WFDC1: variants seen among roughly 807,000 people sequenced by gnomAD.
The protein encoded by WFDC1 is WAP four-disulfide core domain protein 1.
Under a neutral mutation model 32.9 loss-of-function variants are expected in WFDC1, and 39 were observed. The ratio of observed to expected loss-of-function variants is 1.19; its 90% confidence interval spans 0.92 to 1.55. The LOEUF (loss-of-function observed/expected upper bound fraction) is 1.55, where lower values mean the gene tolerates loss of function less well. Among genes scored for constraint, WFDC1 ranks in the 40% most tolerant of loss-of-function variants. WFDC1 has a pLI of 0.00. For missense variants in WFDC1, 386 were observed against 309.5 expected, an observed-to-expected ratio of 1.25 and a Z score of -1.85; for synonymous variants, 184 against 137.4, an observed-to-expected ratio of 1.34 and a Z score of -2.37.
chr16:84,318,295 A>G lies in WFDC1; in HGVS notation c.361A>G (p.Lys121Glu). The G allele has an allele frequency of 6.2e-7, 1 of 1,614,146 alleles. No homozygotes were observed. Among genetic ancestry groups the G allele is most frequent in the South Asian group, 1.1e-5 (1 of 91,084 alleles). Residue 121 changes from lysine (K) to glutamate (E), a missense_variant, in exon 3 of 7, where the codon AAA becomes GAA. Coordinates refer to ENST00000219454, the MANE Select transcript of WFDC1 (RefSeq NM_021197.4). ...PPVLDWLVQP[K>E]PRWLGGNGWL... ...AGTCTTAGACTGGCTGGTGCAGCCG[A>G]AACCTCGATGGCTTGGTGGCAATGG...
intron 1 of WFDC1, among the ~76,000 whole-genome samples, chr16:84,305,690 C>G (rs2151370273): frequency 6.6e-6 from 1 of 152,202 alleles, no homozygotes; most frequent in East Asian, 1.9e-4. Context: ...GGACGAGAGG[C>G]TTCTGAGTCC....
At chr16:84,306,226 G>T (rs371498133) in intron 1 of WFDC1, among the ~76,000 whole-genome samples, 2 of 152,068 alleles carry the variant, frequency 1.3e-5, no homozygotes, top group South Asian at 4.1e-4. Flanking sequence ...GCACAGCCAT[G>T]GGGTTCAAAC....
At position 84,313,019 on chromosome 16, in the gene WFDC1, C is replaced by T; in HGVS notation, c.203C>T (p.Pro68Leu). The change falls in exon 2 of 7, where the codon CCG (proline) becomes CTG (leucine). Residue 68 changes from proline to leucine, a missense_variant. Transcript: ENST00000219454. ...PRQPRADRCP[P>L]PPRTLPPGAC... ...CAGCCCCGAGCAGACCGCTGCCCGC[C>T]GCCTCCGCGGACGCTGCCCCCCGGC... The T allele has an allele frequency of 1.5e-6, 2 of 1,305,250 alleles. No individual in the cohort carries two copies. Among genetic ancestry groups the T allele is most frequent in the Non-Finnish European group, 9.7e-7 (1 of 1,028,938 alleles). The allele number at this position is 1,305,250 out of a possible 1,614,324, so 80.9% of individuals were successfully genotyped here.
rs1907277756 is a variant in WFDC1 at position 84,306,662 on chromosome 16, A to G, written c.145-6299A>G. Among the ~76,000 whole-genome samples, 5 of 152,304 alleles carry G rather than the reference A, an allele frequency of 3.3e-5. No homozygotes were observed. In the South Asian group the frequency reaches 1.0e-3, roughly 32 times the overall value. On this transcript the variant is annotated intron_variant, in intron 1 of 6. Transcript: ENST00000219454. ...CTGTGCAGGACCCCTGCTCTGCAGA[A>G]CCCACTGCACAGGGCCCATGTGCAG...
chr16:84,302,745 T>C (rs999445569), intron 1 of WFDC1, among the ~76,000 whole-genome samples: 8 of 152,230 alleles, frequency 5.3e-5, no homozygotes, highest in African/African-American at 1.9e-4. Flanking sequence ...TGCTGTTGTG[T>C]GTGGTGTCTC....
rs752577401 is a variant in WFDC1, at chr16:84,294,958, T to A, written c.-14T>A. 1 of 1,608,420 alleles carries A rather than the reference T, an allele frequency of 6.2e-7. No individual in the cohort carries two copies. The stretch of plus-strand genomic sequence containing the variant: ...CTTCTGTGTGCGTCTGGAAGGTCGC[T>A]GCCCAGGGAGGAAATGCCTTTAACC... On this transcript the variant is annotated 5_prime_UTR_variant, in exon 1 of 7. Transcript: ENST00000219454.
intron 1 of WFDC1, among the ~76,000 whole-genome samples, chr16:84,302,033 C>T (rs796976695): frequency 6.6e-6 from 1 of 152,222 alleles, no homozygotes; most frequent in African/African-American, 2.4e-5. Context: ...GGGACTAGAA[C>T]TCAGCCATAG....
At chr16:84,316,071 C>T (rs997924644) in intron 2 of WFDC1, 1 of 152,240 alleles carries the variant, frequency 6.6e-6, no homozygotes, top group Non-Finnish European at 1.5e-5. Flanking sequence ...ATACAAACAG[C>T]ACATATTACT....
intron 4 of WFDC1, among the ~76,000 whole-genome samples, 150 bp from the exon 5 acceptor site, chr16:84,324,266 TTAC>T (rs1399278141): frequency 1.3e-5 from 2 of 152,216 alleles, no homozygotes; most frequent in Non-Finnish European, 2.9e-5. Context: ...AGCTGAGACA[TTAC>T]AAATGCTCAT....
chr16:84,326,570 G>A (rs1908614159), intron 5 of WFDC1: 1 of 330,444 alleles, frequency 3.0e-6, no homozygotes, highest in Non-Finnish European at 5.7e-6. Flanking sequence ...ATAAGAAATA[G>A]TGGGCAGCAG....
At chr16:84,297,147 G>C (rs1019820814) in intron 1 of WFDC1, among the ~76,000 whole-genome samples, 11 of 152,142 alleles carry the variant, frequency 7.2e-5, no homozygotes, top group African/African-American at 2.7e-4. Context: ...CGGGGGATTT[G>C]GGGGAGTCTC....
intron 3 of WFDC1, chr16:84,318,682 A>G: frequency 3.9e-6 from 1 of 257,258 alleles, no homozygotes. Context: ...TCTAATGATG[A>G]AGCCTCCCTG....
At chr16:84,307,810 A>T (rs1907354340) in intron 1 of WFDC1, among the ~76,000 whole-genome samples, 1 of 152,184 alleles carries the variant, frequency 6.6e-6, no homozygotes, top group Non-Finnish European at 1.5e-5. Context: ...CATGGGTCCA[A>T]TGTAGTTAAT....
intron 4 of WFDC1, 30 bp downstream of exon 4, chr16:84,319,601 G>T: frequency 1.2e-6 from 2 of 1,606,412 alleles, no homozygotes; most frequent in Non-Finnish European, 8.5e-7. Context: ...CCTGATCCTG[G>T]CTCCTGCCCC....
chr16:84,311,288 A>T lies in WFDC1; in HGVS notation c.145-1673A>T, dbSNP rs1026462675. On this transcript the variant is annotated intron_variant, in intron 1 of 6. Coordinates refer to ENST00000219454, the MANE Select transcript of WFDC1 (RefSeq NM_021197.4). ...GAGATGGAGTCTCACTCTGTCACCC[A>T]GCCTGGAGTGCAATGGCTCGATCTT... Among the ~76,000 whole-genome samples, 3 of 149,584 alleles carry T rather than the reference A, an allele frequency of 2.0e-5. No individual in the cohort carries two copies. The Admixed American group carries it at 2.0e-4, about 10-fold the overall frequency.
At chr16:84,322,145 C>CTGTGTGTGTGTGCGTG (rs1185386626) in intron 4 of WFDC1, among the ~76,000 whole-genome samples, 8 of 109,456 alleles carry the variant, frequency 7.3e-5, no homozygotes, top group South Asian at 2.8e-4. Flanking sequence ...GCCTCAGAGC[C>CTGTGTGTGTGTGCGTG]TGTGTGTGTG....
At chr16:84,297,892 C>T (rs2151363577) in intron 1 of WFDC1, among the ~76,000 whole-genome samples, 1 of 152,194 alleles carries the variant, frequency 6.6e-6, no homozygotes, top group South Asian at 2.1e-4. Context: ...AGGAAGCAGC[C>T]CCCACATGCA....
chr16:84,327,036 G>C (rs939384206), intron 6 of WFDC1, 81 bp downstream of exon 6: 9 of 1,396,884 alleles, frequency 6.4e-6, no homozygotes, highest in African/African-American at 5.7e-5. Flanking sequence ...ACCAGGTTGA[G>C]GAGCAGGAGG....
intron 4 of WFDC1, 27 bp from the exon 5 acceptor site, chr16:84,324,392 A>C (rs188071341): frequency 6.2e-7 from 1 of 1,611,424 alleles, no homozygotes; most frequent in East Asian, 2.2e-5. Flanking sequence ...TCCTAAAAGA[A>C]GTTTTTTCCT....
Sources: allele counts gnomAD v4.1 joint callset (sites outside exome capture counted in the v4.1 genomes callset), GRCh38; gene constraint gnomAD v4.1.1; transcripts MANE v1.5; gene names NCBI Gene and HGNC (gene_info 2026-07-23, HGNC 2026-07-21).